Variants in ZNF385D observed in about 807,000 individuals in gnomAD.
The protein encoded by ZNF385D is zinc finger protein 659.
In ZNF385D, 15 loss-of-function variants were observed where a neutral mutation model predicts 35.8. The ratio of observed to expected loss-of-function variants is 0.42; its 90% confidence interval spans 0.28 to 0.64. The LOEUF (loss-of-function observed/expected upper bound fraction) is 0.64. Ranked by LOEUF, ZNF385D falls within the 30% of genes least tolerant of loss-of-function variation. ZNF385D has a pLI of 0.23. For synonymous variants in ZNF385D, 212 were observed against 186.8 expected, an observed-to-expected ratio of 1.13 and a Z score of -1.10; for missense variants, 474 against 494.6, an observed-to-expected ratio of 0.96 and a Z score of 0.39.
At chr3:21,745,078 A>C (rs190526135) in intron 1 of ZNF385D, among the ~76,000 whole-genome samples, 296 of 152,218 alleles carry the variant, frequency 1.9e-3, no homozygotes, top group Middle Eastern at 3.4e-3. Context: ...GACATAGATT[A>C]AACAACATTT....
At chr3:21,812,110 G>A (rs184611850) in intron 3 of ZNF385D, among the ~76,000 whole-genome samples, 197 of 152,102 alleles carry the variant, frequency 1.3e-3, no homozygotes, top group Non-Finnish European at 2.4e-3. Flanking sequence ...AGATATAATT[G>A]GTCAAATTCA....
chr3:21,437,711 A>AAAAAACAAAC (rs937383421), intron 4 of ZNF385D, among the ~76,000 whole-genome samples: 6 of 148,760 alleles, frequency 4.0e-5, no homozygotes, highest in Non-Finnish European at 9.0e-5. Flanking sequence ...CAAAAAAAAA[A>AAAAAACAAAC]AAAAAAAACC....
chr3:22,115,269 G>C (rs765477266), intron 3 of ZNF385D, among the ~76,000 whole-genome samples: 1 of 152,076 alleles, frequency 6.6e-6, no homozygotes, highest in Non-Finnish European at 1.5e-5. Flanking sequence ...ACATTACATA[G>C]AGAAAATTGA....
chr3:21,584,709 T>C (rs1019318417), intron 2 of ZNF385D, among the ~76,000 whole-genome samples: 6 of 152,228 alleles, frequency 3.9e-5, no homozygotes, highest in African/African-American at 1.2e-4. Flanking sequence ...TTTATCTTGA[T>C]GTAAAACAAA....
chr3:22,095,594 C>G (rs1006803439), intron 3 of ZNF385D, among the ~76,000 whole-genome samples: 20 of 152,008 alleles, frequency 1.3e-4, no homozygotes, highest in African/African-American at 4.6e-4. Flanking sequence ...ATACAATCTC[C>G]TACTGTAACT....
At chr3:21,942,168 T>G (rs573921326) in intron 3 of ZNF385D, among the ~76,000 whole-genome samples, 1 of 152,354 alleles carries the variant, frequency 6.6e-6, no homozygotes, top group Non-Finnish European at 1.5e-5. Context: ...GCGTAATTTT[T>G]AAAATTTCTG....
chr3:22,088,218 C>G (rs188889074), intron 3 of ZNF385D, among the ~76,000 whole-genome samples: 1 of 152,146 alleles, frequency 6.6e-6, no homozygotes, highest in Non-Finnish European at 1.5e-5. Flanking sequence ...AACATGGGCA[C>G]GATGAGCAAA....
chr3:22,264,078 GA>G (rs1459471454), intron 2 of ZNF385D, among the ~76,000 whole-genome samples: 1 of 151,958 alleles, frequency 6.6e-6, no homozygotes, highest in African/African-American at 2.4e-5. Flanking sequence ...ATGGAGTGAG[GA>G]AGGTAGGAAG....
At chr3:22,344,268 G>T (rs551197758) in intron 2 of ZNF385D, among the ~76,000 whole-genome samples, 15 of 151,568 alleles carry the variant, frequency 9.9e-5, no homozygotes, top group African/African-American at 3.4e-4. Flanking sequence ...AGTCAGACTG[G>T]ATAAAATTTC....
intron 2 of ZNF385D, among the ~76,000 whole-genome samples, chr3:22,338,704 T>C (rs924588845): frequency 1.3e-5 from 2 of 148,920 alleles, no homozygotes; most frequent in African/African-American, 5.0e-5. Flanking sequence ...TCTCATTTTT[T>C]TTTTTTTTTT....
intron 3 of ZNF385D, among the ~76,000 whole-genome samples, chr3:22,059,622 G>T (rs1243678469): frequency 1.3e-5 from 2 of 152,156 alleles, no homozygotes. Flanking sequence ...CCCTTCATCA[G>T]CTTCTTGGAA....
At chr3:21,570,189 C>G (rs1478832265) in intron 2 of ZNF385D, among the ~76,000 whole-genome samples, 1 of 152,130 alleles carries the variant, frequency 6.6e-6, no homozygotes, top group Non-Finnish European at 1.5e-5. Flanking sequence ...GGCTAAAATT[C>G]AATTTCAAAC....
chr3:21,903,926 T>C (rs766775799), intron 3 of ZNF385D, among the ~76,000 whole-genome samples: 2 of 152,170 alleles, frequency 1.3e-5, no homozygotes, highest in Non-Finnish European at 2.9e-5. Context: ...TTTGTTTTTT[T>C]CTTTATCAAA....
chr3:21,446,471 C>G lies in ZNF385D; in HGVS notation c.440-9268G>C, dbSNP rs559710649. ...AAAATTCTTTAAAAAATTTTAGATA[C>G]TACCTAATCAATGAACTTTTTTTTT... On this transcript the variant is annotated intron_variant, in intron 4 of 7. Coordinates refer to ENST00000281523, the MANE Select transcript of ZNF385D (RefSeq NM_024697.3). Among the ~76,000 whole-genome samples the G allele has an allele frequency of 3.4e-5, 5 of 146,700 alleles. No homozygotes were observed. The South Asian group carries it at 1.1e-3, about 33-fold the overall frequency.
At chr3:21,857,422 T>C (rs1264965376) in intron 3 of ZNF385D, among the ~76,000 whole-genome samples, 3 of 151,992 alleles carry the variant, frequency 2.0e-5, no homozygotes, top group Non-Finnish European at 2.9e-5. Context: ...ATTTAAGTAG[T>C]TTTAAGAGAT....
chr3:22,035,296 A>C (rs1304462792), intron 3 of ZNF385D, among the ~76,000 whole-genome samples: 4 of 152,214 alleles, frequency 2.6e-5, no homozygotes, highest in Admixed American at 2.6e-4. Flanking sequence ...AATTATGAGA[A>C]ACAGGGCTGG....
chr3:22,281,597 C>A (rs972362006), intron 2 of ZNF385D, among the ~76,000 whole-genome samples: 15 of 152,046 alleles, frequency 9.9e-5, no homozygotes, highest in African/African-American at 3.1e-4. Context: ...TCCACTTGAT[C>A]ACAGTGGATT....
At chr3:22,197,203 A>G (rs2125236120) in intron 2 of ZNF385D, among the ~76,000 whole-genome samples, 1 of 151,940 alleles carries the variant, frequency 6.6e-6, no homozygotes. Context: ...GTGTTTTTGA[A>G]TTTGTAATTT....
intron 2 of ZNF385D, among the ~76,000 whole-genome samples, chr3:21,629,335 CT>C (rs2065218653): frequency 6.6e-6 from 1 of 152,108 alleles, no homozygotes. Context: ...CTGATCCTCC[CT>C]GCATAGCATT....
Sources: gnomAD v4.1 joint callset for allele counts (sites outside exome capture counted in the v4.1 genomes callset) on GRCh38, gnomAD v4.1.1 for gene constraint, MANE v1.5 for transcripts, NCBI Gene and HGNC (gene_info 2026-07-23, HGNC 2026-07-21) for gene names.